Variants in AKAP9 observed in about 807,000 individuals in gnomAD.
The protein encoded by AKAP9 is A-kinase anchor protein 9.
In AKAP9, 311 loss-of-function variants were observed where a neutral mutation model predicts 488.5. That is an observed-to-expected ratio of 0.64 (90% CI 0.58 to 0.70). The LOEUF (loss-of-function observed/expected upper bound fraction) is 0.70, where lower values mean the gene tolerates loss of function less well. AKAP9 is among the 30% of genes least tolerant of loss of function. AKAP9 has a pLI of 0.00. For missense variants in AKAP9, 4,215 were observed against 4,374.5 expected (o/e 0.96, Z 1.03); for synonymous variants, 1,462 against 1,483.5 (o/e 0.99, Z 0.33).
At chr7:91,967,515 G>C (rs1267888737) in intron 1 of AKAP9, among the ~76,000 whole-genome samples, 1 of 152,110 alleles carries the variant, frequency 6.6e-6, no homozygotes, top group Non-Finnish European at 1.5e-5. Context: ...TATCCTAAAG[G>C]CATGTTGAAT....
Position 92,016,200 on chromosome 7 carries a change from G to T in AKAP9, c.3684G>T (p.Glu1228Asp). 1.3e-6 allele frequency: 2 copies of T among 1,585,440 alleles called. No homozygotes were observed. The highest frequency in any genetic ancestry group is 1.1e-5 in the South Asian group (1 of 90,292). ...GTGAAGTAAATGCAGAAGACAAAGA[G>T]AATTCTGGTGATTACATTTCTGAAA... The part of the protein sequence containing the change: ...LKCEVNAEDK[E>D]NSGDYISENE... The change falls in exon 11 of 50, where the codon GAG becomes GAT. Residue 1228 changes from glutamate to aspartate, a missense_variant. Physicochemically the swap from Glu to Asp is conservative, Grantham distance 45. Transcript: ENST00000356239.
chr7:92,097,996 A>G (rs1584548668), intron 42 of AKAP9, 113 bp from the exon 43 acceptor site: 7 of 869,788 alleles, frequency 8.0e-6, no homozygotes, highest in Non-Finnish European at 9.4e-6. Flanking sequence ...AAAGCATGGG[A>G]TATAAGGGAG....
chr7:91,962,162 T>G (rs558504473), intron 1 of AKAP9, among the ~76,000 whole-genome samples: 1 of 152,328 alleles, frequency 6.6e-6, no homozygotes, highest in East Asian at 1.9e-4. Flanking sequence ...AGTAGAATTT[T>G]TTCCTTATCT....
At chr7:91,983,293 C>T (rs1187728424) in intron 3 of AKAP9, among the ~76,000 whole-genome samples, 1 of 152,076 alleles carries the variant, frequency 6.6e-6, no homozygotes, top group Non-Finnish European at 1.5e-5. Flanking sequence ...TGAGTGAGAA[C>T]ATGTGGTGTT....
At chr7:92,105,574 CAT>C in intron 46 of AKAP9, 102 bp from the exon 47 acceptor site, 1 of 856,134 alleles carries the variant, frequency 1.2e-6, no homozygotes, top group Non-Finnish European at 2.0e-6. Flanking sequence ...TGAAATTTGA[CAT>C]TTGTTCTATG....
intron 3 of AKAP9, among the ~76,000 whole-genome samples, 162 bp downstream of exon 3, chr7:91,980,495 C>CTATTTTT (rs370796984): frequency 4.1e-5 from 2 of 48,756 alleles, no homozygotes; most frequent in African/African-American, 9.3e-5. Flanking sequence ...GTATTACTGA[C>CTATTTTT]TTTTTTTTTT....
At chr7:92,093,384 C>A (rs1160912998) in intron 39 of AKAP9, 68 bp downstream of exon 39, 40 of 1,340,106 alleles carry the variant, frequency 3.0e-5, no homozygotes, top group Non-Finnish European at 4.1e-5. Flanking sequence ...AAACACTGTG[C>A]AAATATAGAG....
chr7:92,091,585 C>CAAAAAAAAAAAAAAA (rs796606265), intron 38 of AKAP9, among the ~76,000 whole-genome samples: 1 of 22,080 alleles, frequency 4.5e-5, no homozygotes. Flanking sequence ...GACTCTGTCT[C>CAAAAAAAAAAAAAAA]AAAAAAAAAA....
At chr7:92,051,644 C>T (rs1807998518) in intron 21 of AKAP9, among the ~76,000 whole-genome samples, 2 of 152,148 alleles carry the variant, frequency 1.3e-5, no homozygotes, top group Non-Finnish European at 2.9e-5. Flanking sequence ...GTCATTACTA[C>T]ATAGATTAAG....
At chr7:92,058,878 A>G (rs1809267322) in intron 22 of AKAP9, among the ~76,000 whole-genome samples, 2 of 152,022 alleles carry the variant, frequency 1.3e-5, no homozygotes, top group African/African-American at 2.4e-5. Flanking sequence ...TAACAACCTA[A>G]GAAACTTACT....
intron 21 of AKAP9, among the ~76,000 whole-genome samples, chr7:92,045,830 CTTTT>C (rs35346628): frequency 9.2e-6 from 1 of 108,914 alleles, no homozygotes; most frequent in Non-Finnish European, 1.9e-5. Context: ...CTTTCCGTTT[CTTTT>C]TTTTTTTTTT....
In AKAP9 at chr7:92,072,034, G is replaced by A. The variant is rs147083137; in HGVS notation, c.6612+1025G>A. Among the ~76,000 whole-genome samples the A allele has an allele frequency of 2.0e-3, 297 of 152,140 alleles. 2 individuals are homozygous for A. Among genetic ancestry groups the A allele is most frequent in the Non-Finnish European group, 2.8e-3 (188 of 67,960 alleles). ...TGTAACTATTTCTGTGTTTCAAAGA[G>A]CTAACATTTAAAGATTTCCCTTAAA... On this transcript the variant is annotated intron_variant, in intron 28 of 49. Coordinates refer to ENST00000356239, the MANE Select transcript of AKAP9 (RefSeq NM_005751.5).
rs1805574203 is a variant in AKAP9 at position 92,038,750 on chromosome 7, A to G, written c.4670A>G (p.Lys1557Arg). The G allele has an allele frequency of 6.2e-7, 1 of 1,604,532 alleles. No individual in the cohort carries two copies. The highest frequency in any genetic ancestry group is 1.7e-5 in the Admixed American group (1 of 58,292). ...TISEEMFSKDKTFIVRQSIHD... is the reference protein window; with the variant it reads ...TISEEMFSKDRTFIVRQSIHD... The stretch of plus-strand genomic sequence containing the variant: ...TCAGAAGAAATGTTCTCCAAAGATA[A>G]AACATTTATAGTTAGACAGTCTGTA... Residue 1557 changes from lysine to arginine, a missense_variant, in exon 17 of 50, where the codon AAA (lysine) becomes AGA (arginine). Around this residue, in one of 5 missense-constraint regions of AKAP9, gnomAD observed 2,361 missense variants for 2,430.0 expected, o/e 0.97. Coordinates refer to ENST00000356239, the MANE Select transcript of AKAP9 (RefSeq NM_005751.5).
rs180861981 is a variant in AKAP9 at position 92,096,339 on chromosome 7, T to G, written c.9730-350T>G. On this transcript the variant is annotated intron_variant, in intron 40 of 49. Transcript: ENST00000356239. Reference sequence around the variant, plus strand: ...ATACTTCTGAAGTTTTTTTTGTTTTTTTTTTTTTTTTTGAGTCAAAAGTCT... The same window carrying G: ...ATACTTCTGAAGTTTTTTTTGTTTTGTTTTTTTTTTTTGAGTCAAAAGTCT... Among the ~76,000 whole-genome samples the G allele has an allele frequency of 6.5e-4, 98 of 150,236 alleles. 1 individual carries two copies. The East Asian group carries it at 0.014, about 22-fold the overall frequency.
intron 1 of AKAP9, among the ~76,000 whole-genome samples, chr7:91,956,660 A>G (rs186962367): frequency 6.6e-6 from 1 of 151,968 alleles, no homozygotes; most frequent in East Asian, 1.9e-4. Context: ...TTTTTTTTGT[A>G]GAACATTAAC....
intron 3 of AKAP9, among the ~76,000 whole-genome samples, chr7:91,990,633 A>G (rs2130628375): frequency 6.6e-6 from 1 of 152,324 alleles, no homozygotes; most frequent in Non-Finnish European, 1.5e-5. Context: ...GGCTAAATAA[A>G]GTACTAGATG....
rs1288116605 is a variant in AKAP9 at position 92,110,118 on chromosome 7, A to G, written c.11687-4A>G. 4 of 1,598,756 alleles carry G rather than the reference A, an allele frequency of 2.5e-6. No individual in the cohort carries two copies. Among genetic ancestry groups the G allele is most frequent in the Non-Finnish European group, 3.4e-6 (4 of 1,169,590 alleles). On this transcript the variant is annotated splice_polypyrimidine_tract_variant and splice_region_variant and intron_variant, in intron 49 of 49. Transcript: ENST00000356239. ...CAGTTGAATTTCCTGTTTTTCTCTC[A>G]TAGGTTCAACTACTCAATTTCATGC...
intron 3 of AKAP9, among the ~76,000 whole-genome samples, chr7:91,988,711 T>C (rs1172721310): frequency 3.9e-5 from 6 of 152,176 alleles, no homozygotes; most frequent in Non-Finnish European, 5.9e-5. Flanking sequence ...AGGGGGACTT[T>C]GGAGCCAGAA....
chr7:92,076,849 T>C lies in AKAP9; in HGVS notation c.6613-6T>C, dbSNP rs760114340. 7.1e-7 allele frequency: 1 copy of C among 1,414,438 alleles called. No individual in the cohort carries two copies. The highest frequency in any genetic ancestry group is 9.8e-7 in the Non-Finnish European group (1 of 1,025,518). The allele number at this position is 1,414,438 out of a possible 1,614,324, so 87.6% of individuals were successfully genotyped here. ...TTTTTCTCTTTTGATAATTTTGTTATTAAAGATTACAAACTTAGAAGAGCA... is the reference window on the plus strand; with the variant it reads ...TTTTTCTCTTTTGATAATTTTGTTACTAAAGATTACAAACTTAGAAGAGCA... On this transcript the variant is annotated splice_polypyrimidine_tract_variant and splice_region_variant and intron_variant, in intron 28 of 49. Transcript: ENST00000356239.
Sources: gnomAD v4.1 joint callset for allele counts (sites outside exome capture counted in the v4.1 genomes callset) on GRCh38, gnomAD v4.1.1 for gene constraint, gnomAD v4.1.1 regional missense constraint, MANE v1.5 for transcripts, NCBI Gene and HGNC (gene_info 2026-07-23, HGNC 2026-07-21) for gene names.